CYSLTR1: variants seen among roughly 807,000 people sequenced by gnomAD.
CYSLTR1 encodes G-protein coupled receptor HG55.
CYSLTR1 carries 1 observed loss-of-function variant against 2.1 expected under a neutral mutation model. That is an observed-to-expected ratio of 0.48 (90% CI 0.17 to 2.28). The LOEUF (loss-of-function observed/expected upper bound fraction) is 2.28, where lower values mean the gene tolerates loss of function less well. Among genes scored for constraint, CYSLTR1 ranks in the 30% most tolerant of loss-of-function variants. The pLI is 0.26. For missense variants in CYSLTR1, 299 were observed against 250.1 expected (o/e 1.20, Z -1.32); for synonymous variants, 110 against 89.6 (o/e 1.23, Z -1.28).
At position 78,305,289 on chromosome X, in the gene CYSLTR1, C is replaced by T. The variant is rs1922986965; in HGVS notation, c.-114-21749G>A. 2.7e-5 allele frequency among the ~76,000 whole-genome samples: 3 copies of T among 111,898 alleles called. No homozygotes were observed. The South Asian group carries it at 1.1e-3, about 41-fold the overall frequency. The stretch of plus-strand genomic sequence containing the variant: ...AATAAAGCCTTTGACTTTAGTAAAA[C>T]AATTGCTCTTTTTTGTATATTTTTG... On this transcript the variant is annotated intron_variant, in intron 1 of 2. Transcript: ENST00000373304.
intron 1 of CYSLTR1, among the ~76,000 whole-genome samples, chrX:78,311,245 G>A (rs1471496953): frequency 9.0e-6 from 1 of 111,297 alleles, no homozygotes; most frequent in Non-Finnish European, 1.9e-5. Context: ...TCTGTAGAAT[G>A]GGAGAGAAAT....
intron 2 of CYSLTR1, among the ~76,000 whole-genome samples, chrX:78,280,784 G>A (rs1253775011): frequency 9.0e-6 from 1 of 111,003 alleles, no homozygotes; most frequent in Non-Finnish European, 1.9e-5. Flanking sequence ...TCTTCTTTGT[G>A]TCCATGTGTT....
At chrX:78,274,402 C>G (rs761856710) in intron 2 of CYSLTR1, among the ~76,000 whole-genome samples, 455 of 111,079 alleles carry the variant, frequency 4.1e-3, no homozygotes, top group South Asian at 0.011. Flanking sequence ...TGGAACAGAA[C>G]AGAGCCCTCA....
chrX:78,275,098 T>A (rs773070576), intron 2 of CYSLTR1, among the ~76,000 whole-genome samples: 251 of 111,653 alleles, frequency 2.2e-3, no homozygotes, highest in Non-Finnish European at 3.7e-3. Flanking sequence ...GGAGAGGATG[T>A]GGAGAAATAG....
intron 1 of CYSLTR1, among the ~76,000 whole-genome samples, chrX:78,309,515 G>C (rs980428264): frequency 2.7e-5 from 3 of 111,725 alleles, no homozygotes; most frequent in Non-Finnish European, 5.7e-5. Flanking sequence ...CTTTCACAAG[G>C]ATTTGAGACC....
At chrX:78,315,559 A>G (rs183902509) in intron 1 of CYSLTR1, among the ~76,000 whole-genome samples, 28 of 111,371 alleles carry the variant, frequency 2.5e-4, no homozygotes, top group African/African-American at 8.8e-4. Flanking sequence ...GCTGGGCAGC[A>G]TTGACTACAA....
intron 2 of CYSLTR1, among the ~76,000 whole-genome samples, chrX:78,277,202 G>T (rs1921629373): frequency 9.0e-6 from 1 of 111,123 alleles, no homozygotes; most frequent in Non-Finnish European, 1.9e-5. Context: ...GACCTGGACA[G>T]AGTAGGGCTA....
intron 1 of CYSLTR1, among the ~76,000 whole-genome samples, chrX:78,287,323 C>A (rs138979192): frequency 0.024 from 2,631 of 111,693 alleles, 36 homozygotes; most frequent in Middle Eastern, 0.042. Context: ...ATGCAAAAGA[C>A]CACATTTTGC....
intron 1 of CYSLTR1, among the ~76,000 whole-genome samples, chrX:78,324,947 G>A (rs890453282): frequency 1.5e-4 from 17 of 110,884 alleles, no homozygotes; most frequent in Non-Finnish European, 1.3e-4. Flanking sequence ...TTTTAAAAAC[G>A]TGATTTGTAT....
chrX:78,290,138 A>G lies in CYSLTR1; in HGVS notation c.-114-6598T>C, dbSNP rs1037200546. 8.4e-4 allele frequency among the ~76,000 whole-genome samples: 94 copies of G among 111,995 alleles called. 1 individual carries two copies. In the Admixed American group the frequency reaches 8.5e-3, roughly 10 times the overall value. On this transcript the variant is annotated intron_variant, in intron 1 of 2. Transcript: ENST00000373304. The stretch of plus-strand genomic sequence containing the variant: ...TTAATCCATCTTAATTACTTTTTGT[A>G]TAAGGTATAAGGAAGGGATCCAGTT...
chrX:78,278,123 A>G (rs901277312), intron 2 of CYSLTR1, among the ~76,000 whole-genome samples: 1 of 112,381 alleles, frequency 8.9e-6, no homozygotes, highest in Non-Finnish European at 1.9e-5. Context: ...CAAGAATTTC[A>G]TAGTACAAAT....
chrX:78,275,766 G>A (rs925943935), intron 2 of CYSLTR1, among the ~76,000 whole-genome samples: 2 of 111,140 alleles, frequency 1.8e-5, no homozygotes, highest in Non-Finnish European at 3.8e-5. Flanking sequence ...TGGTTCCCTC[G>A]AGAAGAAGGC....
At chrX:78,292,416 G>A (rs1039596521) in intron 1 of CYSLTR1, among the ~76,000 whole-genome samples, 1 of 112,113 alleles carries the variant, frequency 8.9e-6, no homozygotes, top group African/African-American at 3.2e-5. Flanking sequence ...GAATAAGTGC[G>A]ATGTGGTGCT....
chrX:78,290,174 A>G (rs1310836395), intron 1 of CYSLTR1, among the ~76,000 whole-genome samples: 1 of 111,971 alleles, frequency 8.9e-6, no homozygotes, highest in Non-Finnish European at 1.9e-5. Context: ...TCAGCTTTCT[A>G]CATATGGCTA....
intron 1 of CYSLTR1, among the ~76,000 whole-genome samples, chrX:78,295,284 G>A: frequency 9.1e-6 from 1 of 110,405 alleles, no homozygotes; most frequent in Non-Finnish European, 1.9e-5. Context: ...GCTGTTGATG[G>A]ACCTTTAGGT....
chrX:78,283,571 C>A (rs200312593), intron 1 of CYSLTR1, 31 bp from the exon 2 acceptor site: 24 of 112,225 alleles, frequency 2.1e-4, no homozygotes, highest in African/African-American at 7.1e-4. Context: ...AGGCAGTTAA[C>A]AACTGTAGAA....
chrX:78,288,433 T>C, intron 1 of CYSLTR1, among the ~76,000 whole-genome samples: 1 of 111,782 alleles, frequency 8.9e-6, no homozygotes, highest in South Asian at 3.9e-4. Flanking sequence ...TTCTTGATCC[T>C]TTTAACCCAA....
chrX:78,290,605 AT>A (rs1179966836), intron 1 of CYSLTR1, among the ~76,000 whole-genome samples: 1 of 111,562 alleles, frequency 9.0e-6, no homozygotes, highest in Admixed American at 9.5e-5. Context: ...ATTTTCTTCT[AT>A]TGGTTTGTGT....
At chrX:78,292,945 G>A (rs1274019921) in intron 1 of CYSLTR1, among the ~76,000 whole-genome samples, 1 of 110,805 alleles carries the variant, frequency 9.0e-6, no homozygotes. Flanking sequence ...GCCAGTCTGT[G>A]TCCTTTTATT....
Sources: gnomAD v4.1 joint callset for allele counts (sites outside exome capture counted in the v4.1 genomes callset) on GRCh38, gnomAD v4.1.1 for gene constraint, MANE v1.5 for transcripts, NCBI Gene and HGNC (gene_info 2026-07-23, HGNC 2026-07-21) for gene names.